SCFD2: variants seen among roughly 807,000 people sequenced by gnomAD.
SCFD2 encodes the protein sec1 family domain-containing protein 2.
Under a neutral mutation model 58.9 loss-of-function variants are expected in SCFD2, and 54 were observed. The ratio of observed to expected loss-of-function variants is 0.92; its 90% CI spans 0.74 to 1.15. The LOEUF is 1.15. Ranked by LOEUF, SCFD2 falls within the 50% of genes most tolerant of loss-of-function variation. SCFD2 has a pLI of 0.00. For synonymous variants in SCFD2, 321 were observed against 335.9 expected, an observed-to-expected ratio of 0.96 and a Z score of 0.49; for missense variants, 805 against 836.6, an observed-to-expected ratio of 0.96 and a Z score of 0.47.
At chr4:52,882,781 C>T (rs1380386233) in intron 8 of SCFD2, among the ~76,000 whole-genome samples, 1 of 152,208 alleles carries the variant, frequency 6.6e-6, no homozygotes, top group Non-Finnish European at 1.5e-5. Context: ...CTGTGTCAGT[C>T]AATAGTCCTT....
intron 6 of SCFD2, among the ~76,000 whole-genome samples, chr4:52,920,185 T>C (rs1287137068): frequency 6.6e-6 from 1 of 152,226 alleles, no homozygotes; most frequent in East Asian, 1.9e-4. Flanking sequence ...TTAATCTTGA[T>C]ACCATCTCTT....
At chr4:53,035,803 G>T (rs375942223) in intron 5 of SCFD2, among the ~76,000 whole-genome samples, 1 of 152,074 alleles carries the variant, frequency 6.6e-6, no homozygotes, top group Non-Finnish European at 1.5e-5. Context: ...CTAGAATGGC[G>T]ATCATTAAAA....
intron 2 of SCFD2, among the ~76,000 whole-genome samples, chr4:53,334,294 A>C (rs1214686897): frequency 1.3e-5 from 2 of 152,188 alleles, no homozygotes; most frequent in Non-Finnish European, 2.9e-5. Flanking sequence ...ATAAAGACAC[A>C]AGCACACGTA....
intron 1 of SCFD2, among the ~76,000 whole-genome samples, chr4:53,357,733 GA>G (rs1263889549): frequency 3.3e-5 from 5 of 152,022 alleles, no homozygotes; most frequent in Admixed American, 3.3e-4. Flanking sequence ...AGATCGGGGA[GA>G]AAAAAAATCA....
At chr4:53,290,242 A>G (rs1731795644) in intron 3 of SCFD2, among the ~76,000 whole-genome samples, 1 of 152,184 alleles carries the variant, frequency 6.6e-6, no homozygotes, top group African/African-American at 2.4e-5. Context: ...GTCTTAACAA[A>G]CTTAAGAAGA....
chr4:53,265,275 A>T (rs1417218602), intron 4 of SCFD2, among the ~76,000 whole-genome samples: 1 of 152,136 alleles, frequency 6.6e-6, no homozygotes, highest in Non-Finnish European at 1.5e-5. Flanking sequence ...TTATCCCACA[A>T]AATCTTTTCT....
At chr4:53,185,404 AATAATT>A (rs1467752795) in intron 4 of SCFD2, among the ~76,000 whole-genome samples, 3 of 152,046 alleles carry the variant, frequency 2.0e-5, no homozygotes, top group Non-Finnish European at 4.4e-5. Context: ...GAATTATAAT[AATAATT>A]ATAACGCATT....
At chr4:53,152,489 T>A (rs1726540639) in intron 4 of SCFD2, among the ~76,000 whole-genome samples, 1 of 152,170 alleles carries the variant, frequency 6.6e-6, no homozygotes, top group South Asian at 2.1e-4. Flanking sequence ...TTTTGTGACA[T>A]CCACTAAAGC....
intron 5 of SCFD2, among the ~76,000 whole-genome samples, chr4:52,991,259 C>G (rs556405436): frequency 6.6e-6 from 1 of 152,304 alleles, no homozygotes; most frequent in Admixed American, 6.5e-5. Context: ...TGTGTTACCT[C>G]ATTTCATCCT....
At chr4:53,313,234 CA>C (rs1486693456) in intron 3 of SCFD2, among the ~76,000 whole-genome samples, 2 of 152,128 alleles carry the variant, frequency 1.3e-5, no homozygotes, top group East Asian at 3.9e-4. Flanking sequence ...TTCTCAGTAC[CA>C]TTTCAGTCAC....
At chr4:53,258,538 G>GTATATA (rs59321045) in intron 4 of SCFD2, among the ~76,000 whole-genome samples, 1,465 of 119,294 alleles carry the variant, frequency 0.012, 23 homozygotes, top group Non-Finnish European at 0.016. Flanking sequence ...TGGTGTGTGT[G>GTATATA]TATATATATA....
intron 3 of SCFD2, among the ~76,000 whole-genome samples, chr4:53,294,077 T>G (rs1202310023): frequency 6.6e-6 from 1 of 152,228 alleles, no homozygotes; most frequent in African/African-American, 2.4e-5. Context: ...AAGTCTATGC[T>G]ATTGTGAACA....
chr4:53,351,871 G>T (rs769257894), intron 2 of SCFD2, among the ~76,000 whole-genome samples: 40 of 152,046 alleles, frequency 2.6e-4, no homozygotes, highest in Admixed American at 4.6e-4. Flanking sequence ...CTACAGTGAA[G>T]ATTTAAAACT....
At chr4:52,924,808 G>C (rs1719824655) in intron 5 of SCFD2, among the ~76,000 whole-genome samples, 1 of 152,068 alleles carries the variant, frequency 6.6e-6, no homozygotes, top group Admixed American at 6.6e-5. Context: ...GCAGAGCCAG[G>C]GTTCAAATAT....
At chr4:52,997,527 T>C (rs1207294045) in intron 5 of SCFD2, among the ~76,000 whole-genome samples, 1 of 151,972 alleles carries the variant, frequency 6.6e-6, no homozygotes, top group East Asian at 1.9e-4. Flanking sequence ...AGCTCTGGAG[T>C]GGATAAGGCC....
intron 5 of SCFD2, among the ~76,000 whole-genome samples, chr4:52,938,156 T>C (rs945062580): frequency 6.6e-6 from 1 of 152,234 alleles, no homozygotes; most frequent in African/African-American, 2.4e-5. Flanking sequence ...ACTTACTATG[T>C]GCCAAGTACT....
chr4:53,105,698 T>C (rs533148115), intron 5 of SCFD2, among the ~76,000 whole-genome samples: 5 of 152,266 alleles, frequency 3.3e-5, no homozygotes, highest in African/African-American at 9.6e-5. Flanking sequence ...CAGGGGCTTA[T>C]AGATAAAACT....
chr4:52,907,401 T>C (rs1719371996), intron 7 of SCFD2, 56 bp downstream of exon 7: 2 of 1,579,468 alleles, frequency 1.3e-6, no homozygotes, highest in African/African-American at 1.3e-5. Context: ...AGCATTTTCA[T>C]GCCCAGCAAA....
chr4:52,958,729 C>T (rs1412662494), intron 5 of SCFD2, among the ~76,000 whole-genome samples: 2 of 152,166 alleles, frequency 1.3e-5, no homozygotes, highest in Non-Finnish European at 2.9e-5. Context: ...GAGCAGAGGA[C>T]AGGTGTCTCT....
Sources: gnomAD v4.1 joint callset for allele counts (sites outside exome capture counted in the v4.1 genomes callset) on GRCh38, gnomAD v4.1.1 for gene constraint, MANE v1.5 for transcripts, NCBI Gene and HGNC (gene_info 2026-07-23, HGNC 2026-07-21) for gene names.